Variants in PLPPR1 observed in about 807,000 individuals in gnomAD.
PLPPR1 encodes the protein phospholipid phosphatase-related protein type 1.
Under a neutral mutation model 33.1 loss-of-function variants are expected in PLPPR1, and 10 were observed. The ratio of observed to expected loss-of-function variants is 0.30; its 90% confidence interval spans 0.19 to 0.51. PLPPR1 has a LOEUF of 0.51. Among genes scored for constraint, PLPPR1 ranks in the 20% least tolerant of loss-of-function variants. The pLI is 0.97. For synonymous variants in PLPPR1, 151 were observed against 151.0 expected (o/e 1.00, Z 0.00); for missense variants, 304 against 408.1 (o/e 0.74, Z 2.20).
At chr9:101,143,138 T>C (rs576292384) in intron 1 of PLPPR1, among the ~76,000 whole-genome samples, 220 of 152,282 alleles carry the variant, frequency 1.4e-3, no homozygotes, top group South Asian at 8.1e-3. Flanking sequence ...TACAACTCCA[T>C]ATTAATGCCA....
At chr9:101,292,255 G>C (rs1347462671) in intron 4 of PLPPR1, among the ~76,000 whole-genome samples, 1 of 152,120 alleles carries the variant, frequency 6.6e-6, no homozygotes, top group Non-Finnish European at 1.5e-5. Context: ...AGAATAAAAA[G>C]AAATGAACAA....
intron 1 of PLPPR1, among the ~76,000 whole-genome samples, chr9:101,142,993 G>A (rs1336625624): frequency 6.6e-6 from 1 of 151,934 alleles, no homozygotes; most frequent in Non-Finnish European, 1.5e-5. Flanking sequence ...AGAGATCCAA[G>A]TTCAGTGATT....
chr9:101,288,977 T>C (rs1242847280), intron 4 of PLPPR1, among the ~76,000 whole-genome samples: 1 of 152,216 alleles, frequency 6.6e-6, no homozygotes, highest in Non-Finnish European at 1.5e-5. Context: ...TTTCAATAGA[T>C]TTCTAGTGTC....
chr9:101,216,665 A>C (rs1402075875), intron 2 of PLPPR1, among the ~76,000 whole-genome samples: 1 of 152,232 alleles, frequency 6.6e-6, no homozygotes, highest in Non-Finnish European at 1.5e-5. Flanking sequence ...AGGTACTTAC[A>C]TCAGTAAATA....
chr9:101,284,150 G>T (rs1306496994), intron 3 of PLPPR1, among the ~76,000 whole-genome samples: 2 of 152,000 alleles, frequency 1.3e-5, no homozygotes, highest in African/African-American at 4.8e-5. Context: ...ATATACAAAG[G>T]AAATGAAATA....
intron 2 of PLPPR1, among the ~76,000 whole-genome samples, chr9:101,225,655 T>C (rs1455881428): frequency 6.6e-6 from 1 of 152,070 alleles, no homozygotes. Context: ...TTTTGAAATG[T>C]CACACACCCA....
At chr9:101,090,462 G>A (rs78061264) in intron 1 of PLPPR1, among the ~76,000 whole-genome samples, 8,088 of 152,226 alleles carry the variant, frequency 0.053, 378 homozygotes, top group African/African-American at 0.12. Context: ...TGCAGGTGTT[G>A]TTTGATTTCT....
intron 1 of PLPPR1, among the ~76,000 whole-genome samples, chr9:101,119,026 A>C (rs1831146894): frequency 6.6e-6 from 1 of 152,144 alleles, no homozygotes; most frequent in Admixed American, 6.6e-5. Context: ...TCAGAGAGTA[A>C]GTTGCTTCTC....
intron 6 of PLPPR1, among the ~76,000 whole-genome samples, chr9:101,314,055 C>A (rs555234752): frequency 6.6e-5 from 10 of 152,260 alleles, no homozygotes; most frequent in African/African-American, 2.4e-4. Flanking sequence ...CTATTATCTT[C>A]AAGGACTTAA....
intron 1 of PLPPR1, among the ~76,000 whole-genome samples, chr9:101,046,435 CTTTTTTTTT>C (rs527884198): frequency 1.0e-4 from 12 of 116,752 alleles, no homozygotes; most frequent in African/African-American, 3.9e-4. Context: ...CTCTTTTATT[CTTTTTTTTT>C]TTTTTTTTTT....
intron 1 of PLPPR1, among the ~76,000 whole-genome samples, chr9:101,167,374 A>G (rs936838823): frequency 1.3e-5 from 2 of 150,944 alleles, no homozygotes; most frequent in Admixed American, 1.3e-4. Context: ...TGTGACATAC[A>G]TCCCTGCAGG....
At chr9:101,302,380 G>A (rs1288485805) in intron 4 of PLPPR1, among the ~76,000 whole-genome samples, 1 of 152,134 alleles carries the variant, frequency 6.6e-6, no homozygotes, top group African/African-American at 2.4e-5. Flanking sequence ...ATCTTCATAG[G>A]AAACTTCCAG....
chr9:101,118,434 G>A (rs1363238635), intron 1 of PLPPR1, among the ~76,000 whole-genome samples: 1 of 152,172 alleles, frequency 6.6e-6, no homozygotes, highest in Admixed American at 6.5e-5. Context: ...AATTGAGGAG[G>A]AAGTGAAGCA....
At chr9:101,112,298 C>A (rs1831066834) in intron 1 of PLPPR1, among the ~76,000 whole-genome samples, 1 of 152,014 alleles carries the variant, frequency 6.6e-6, no homozygotes, top group African/African-American at 2.4e-5. Context: ...AACAGGTACT[C>A]CACATATAGA....
At chr9:101,225,139 A>G (rs555174393) in intron 2 of PLPPR1, among the ~76,000 whole-genome samples, 1 of 152,068 alleles carries the variant, frequency 6.6e-6, no homozygotes, top group Admixed American at 6.6e-5. Context: ...AGTTTCCAAG[A>G]TCTGAGGACT....
In PLPPR1 at chr9:101,191,486, C is replaced by T. The variant is rs575928135; in HGVS notation, c.63+5929C>T. Reference sequence around the variant, plus strand: ...ACTCTTTCTCTCTTCCTGTTTTCTTCCTCCTTCCTTTTTTTCACTGTCATT... The same window carrying T: ...ACTCTTTCTCTCTTCCTGTTTTCTTTCTCCTTCCTTTTTTTCACTGTCATT... On this transcript the variant is annotated intron_variant, in intron 2 of 7. Transcript: ENST00000374874. 1.1e-4 allele frequency among the ~76,000 whole-genome samples: 16 copies of T among 152,156 alleles called. No individual in the cohort carries two copies. In the South Asian group the frequency reaches 1.2e-3, roughly 12 times the overall value.
chr9:101,121,031 G>A (rs190055213), intron 1 of PLPPR1, among the ~76,000 whole-genome samples: 15 of 152,246 alleles, frequency 9.9e-5, no homozygotes, highest in Non-Finnish European at 8.8e-5. Context: ...TAGGTAGAGG[G>A]GAAGACCAAT....
At chr9:101,213,952 T>C (rs1033958063) in intron 2 of PLPPR1, among the ~76,000 whole-genome samples, 17 of 152,190 alleles carry the variant, frequency 1.1e-4, no homozygotes, top group African/African-American at 9.6e-5. Flanking sequence ...CTTATATTCA[T>C]AGAAAGAACC....
chr9:101,112,974 A>G (rs1053230756), intron 1 of PLPPR1, among the ~76,000 whole-genome samples: 3 of 152,202 alleles, frequency 2.0e-5, no homozygotes, highest in Non-Finnish European at 4.4e-5. Flanking sequence ...AGCTTAAAAG[A>G]TGGATTCTTT....
Sources: gnomAD v4.1 joint callset for allele counts (sites outside exome capture counted in the v4.1 genomes callset) on GRCh38, gnomAD v4.1.1 for gene constraint, MANE v1.5 for transcripts, NCBI Gene and HGNC (gene_info 2026-07-23, HGNC 2026-07-21) for gene names.